Variants in EMCN observed in about 807,000 individuals in gnomAD.
EMCN encodes the protein MUC-14.
Under a neutral mutation model 38.4 loss-of-function variants are expected in EMCN, and 37 were observed. The observed-to-expected ratio is 0.96, with a 90% CI of 0.74 to 1.27. The LOEUF (loss-of-function observed/expected upper bound fraction) is 1.27, where lower values mean the gene tolerates loss of function less well. Among genes scored for constraint, EMCN ranks in the 50% most tolerant of loss-of-function variants. EMCN has a pLI of 0.00. For synonymous variants in EMCN, 95 were observed against 100.8 expected (o/e 0.94, Z 0.35); for missense variants, 318 against 302.8 (o/e 1.05, Z -0.37).
intron 3 of EMCN, among the ~76,000 whole-genome samples, chr4:100,472,590 T>C (rs1728506579): frequency 6.6e-6 from 1 of 152,168 alleles, no homozygotes; most frequent in Admixed American, 6.5e-5. Flanking sequence ...TAGCTGGCTT[T>C]GCAGAAATTG....
intron 3 of EMCN, among the ~76,000 whole-genome samples, chr4:100,471,545 T>G (rs1438436475): frequency 6.6e-6 from 1 of 151,946 alleles, no homozygotes; most frequent in Non-Finnish European, 1.5e-5. Flanking sequence ...TCATAAACTC[T>G]TTCAAAAATT....
At chr4:100,456,003 C>G (rs1188357223) in intron 4 of EMCN, among the ~76,000 whole-genome samples, 1 of 152,070 alleles carries the variant, frequency 6.6e-6, no homozygotes, top group Non-Finnish European at 1.5e-5. Context: ...CCACGTTGTC[C>G]AGGCTGGTCT....
At chr4:100,421,482 T>C (rs28446061) in intron 7 of EMCN, 105 bp from the exon 8 acceptor site, 32,059 of 833,086 alleles carry the variant, frequency 0.038, 866 homozygotes, top group African/African-American at 0.11. Flanking sequence ...TCTTTAAATA[T>C]CATTCTATTA....
chr4:100,487,016 G>A, intron 1 of EMCN: 1 of 985,118 alleles, frequency 1.0e-6, no homozygotes, highest in Non-Finnish European at 1.2e-6. Flanking sequence ...GTTTGGTTGA[G>A]GAATTTCAAA....
intron 2 of EMCN, among the ~76,000 whole-genome samples, chr4:100,475,827 G>C (rs576113450): frequency 6.6e-6 from 1 of 151,528 alleles, no homozygotes; most frequent in South Asian, 2.1e-4. Flanking sequence ...ACAGGCGCCC[G>C]CCACCACGCC....
chr4:100,474,447 T>C (rs1035930046), intron 3 of EMCN, among the ~76,000 whole-genome samples: 2 of 152,170 alleles, frequency 1.3e-5, no homozygotes, highest in Admixed American at 6.5e-5. Flanking sequence ...ATCAGTTCCT[T>C]AAAATGTTAA....
intron 1 of EMCN, among the ~76,000 whole-genome samples, chr4:100,497,525 C>A (rs530146442): frequency 6.6e-6 from 1 of 152,136 alleles, no homozygotes; most frequent in East Asian, 1.9e-4. Context: ...TACAGGCACC[C>A]ACCACCACGC....
At chr4:100,487,698 G>T (rs1728976770) in intron 1 of EMCN, among the ~76,000 whole-genome samples, 1 of 152,128 alleles carries the variant, frequency 6.6e-6, no homozygotes, top group Admixed American at 6.5e-5. Flanking sequence ...CTGTGCACTT[G>T]CACACATGCT....
chr4:100,402,884 T>C (rs1048147758), intron 11 of EMCN, among the ~76,000 whole-genome samples: 1 of 152,104 alleles, frequency 6.6e-6, no homozygotes, highest in African/African-American at 2.4e-5. Context: ...GTTACTAATA[T>C]TTGAGCATTT....
intron 8 of EMCN, among the ~76,000 whole-genome samples, chr4:100,418,338 A>C (rs1235717721): frequency 1.3e-5 from 2 of 152,202 alleles, no homozygotes; most frequent in Non-Finnish European, 2.9e-5. Context: ...CATGCAATGC[A>C]TAACAATCAC....
chr4:100,461,000 G>C (rs1728163737), intron 4 of EMCN, among the ~76,000 whole-genome samples: 1 of 152,146 alleles, frequency 6.6e-6, no homozygotes, highest in Admixed American at 6.6e-5. Context: ...TATCCAATTA[G>C]AATAAAATTC....
intron 1 of EMCN, among the ~76,000 whole-genome samples, chr4:100,499,905 T>C (rs768595354): frequency 6.6e-6 from 1 of 152,154 alleles, no homozygotes; most frequent in Non-Finnish European, 1.5e-5. Flanking sequence ...CTTTGAACCC[T>C]AAATAGGTAA....
At chr4:100,422,069 A>T (rs1304500649) in intron 7 of EMCN, among the ~76,000 whole-genome samples, 3 of 152,016 alleles carry the variant, frequency 2.0e-5, no homozygotes, top group Non-Finnish European at 4.4e-5. Flanking sequence ...GGTTAAAAGT[A>T]CAGTGATAAA....
At chr4:100,451,125 T>G (rs943856115) in intron 4 of EMCN, among the ~76,000 whole-genome samples, 5 of 151,924 alleles carry the variant, frequency 3.3e-5, no homozygotes, top group Non-Finnish European at 7.4e-5. Flanking sequence ...GAATTTTATT[T>G]ATTTATTTAC....
intron 3 of EMCN, among the ~76,000 whole-genome samples, chr4:100,467,399 C>T (rs1203545826): frequency 1.3e-5 from 2 of 152,128 alleles, no homozygotes; most frequent in Non-Finnish European, 2.9e-5. Flanking sequence ...TGAGAATCGG[C>T]CGGGCGCGGT....
At chr4:100,431,745 T>G (rs1263828464) in intron 5 of EMCN, among the ~76,000 whole-genome samples, 1 of 136,488 alleles carries the variant, frequency 7.3e-6, no homozygotes, top group African/African-American at 2.7e-5. Context: ...TTCTCTCCCT[T>G]TCTGCTCTCT....
At chr4:100,434,553 C>T (rs1727295059) in intron 5 of EMCN, among the ~76,000 whole-genome samples, 1 of 152,074 alleles carries the variant, frequency 6.6e-6, no homozygotes, top group African/African-American at 2.4e-5. Context: ...GATACCAAAA[C>T]CTGGCAGAGA....
Position 100,397,610 on chromosome 4 carries a change from A to G in EMCN, c.*803T>C, listed in dbSNP as rs1726150957. The G allele has an allele frequency of 1.3e-5, 2 of 152,174 alleles. No homozygotes were observed. Among genetic ancestry groups the G allele is most frequent in the Non-Finnish European group, 2.9e-5 (2 of 68,028 alleles). 9.4% of individuals were successfully genotyped at this position (152,174 alleles called of 1,614,324 possible). ...GTGTTATAAATGCCCTTGCACTTACATCTTCATCACATAGTATGAATGACA... is the reference window on the plus strand; with the variant it reads ...GTGTTATAAATGCCCTTGCACTTACGTCTTCATCACATAGTATGAATGACA... On this transcript the variant is annotated 3_prime_UTR_variant, in exon 12 of 12. Coordinates refer to ENST00000296420, the MANE Select transcript of EMCN (RefSeq NM_016242.4).
At chr4:100,456,467 T>C (rs1728020130) in intron 4 of EMCN, among the ~76,000 whole-genome samples, 1 of 152,200 alleles carries the variant, frequency 6.6e-6, no homozygotes, top group African/African-American at 2.4e-5. Context: ...ATTTTAGAGC[T>C]ATAAATTTTA....
Sources: gnomAD v4.1 joint callset for allele counts (sites outside exome capture counted in the v4.1 genomes callset) on GRCh38, gnomAD v4.1.1 for gene constraint, MANE v1.5 for transcripts, NCBI Gene and HGNC (gene_info 2026-07-23, HGNC 2026-07-21) for gene names.